The following YES1 variants were observed in gnomAD, a reference collection of about 807,000 sequenced individuals.
The protein encoded by YES1 is YES proto-oncogene 1, Src family tyrosine kinase.
A neutral mutation model predicts 70.4 loss-of-function variants in YES1; 39 were observed. The ratio of observed to expected loss-of-function variants is 0.55; its 90% confidence interval spans 0.43 to 0.72. The LOEUF (loss-of-function observed/expected upper bound fraction) is 0.72. YES1 is among the 30% of genes least tolerant of loss of function. The pLI is 0.00. For synonymous variants in YES1, 198 were observed against 218.6 expected (o/e 0.91, Z 0.83); for missense variants, 495 against 644.8 (o/e 0.77, Z 2.52).
At chr18:749,367 G>A (rs937101393) in intron 3 of YES1, among the ~76,000 whole-genome samples, 27 of 150,940 alleles carry the variant, frequency 1.8e-4, no homozygotes, top group Middle Eastern at 3.2e-3. Flanking sequence ...GAGTGGTGGC[G>A]TGTGCCTGTA....
At chr18:798,297 A>T (rs1448366817) in intron 1 of YES1, among the ~76,000 whole-genome samples, 1 of 152,152 alleles carries the variant, frequency 6.6e-6, no homozygotes, top group Non-Finnish European at 1.5e-5. Context: ...TCTAGCTATA[A>T]ATTTATCTCT....
chr18:757,807 G>A (rs886516664), intron 1 of YES1, among the ~76,000 whole-genome samples: 3 of 151,252 alleles, frequency 2.0e-5, no homozygotes, highest in Admixed American at 6.6e-5. Flanking sequence ...GGGTGACAGA[G>A]TAAGACTCTG....
chr18:749,621 C>T (rs1462456112), intron 3 of YES1, among the ~76,000 whole-genome samples: 2 of 151,784 alleles, frequency 1.3e-5, no homozygotes, highest in Non-Finnish European at 2.9e-5. Flanking sequence ...TTTGGGAGAC[C>T]GAGGCAGGCG....
At chr18:756,885 T>A in intron 1 of YES1, 50 bp from the exon 2 acceptor site, 1 of 1,509,982 alleles carries the variant, frequency 6.6e-7, no homozygotes. Context: ...ACAGGATACT[T>A]CAAAAAGACA....
At chr18:748,509 A>T in intron 3 of YES1, among the ~76,000 whole-genome samples, 1 of 152,160 alleles carries the variant, frequency 6.6e-6, no homozygotes, top group Non-Finnish European at 1.5e-5. Flanking sequence ...CACCCCCAAA[A>T]GAAACTCTGT....
intron 6 of YES1, among the ~76,000 whole-genome samples, chr18:743,887 C>A (rs1194965829): frequency 6.7e-6 from 1 of 148,914 alleles, no homozygotes. Flanking sequence ...GCCTGGGTGA[C>A]ACAGTGAGAT....
chr18:733,321 A>AT (rs1157544482), intron 10 of YES1, among the ~76,000 whole-genome samples: 4 of 152,206 alleles, frequency 2.6e-5, no homozygotes, highest in African/African-American at 9.6e-5. Flanking sequence ...CTATTGGTTG[A>AT]TGAGTGAATA....
intron 1 of YES1, among the ~76,000 whole-genome samples, chr18:807,892 T>C (rs1907178611): frequency 6.6e-6 from 1 of 152,126 alleles, no homozygotes; most frequent in South Asian, 2.1e-4. Context: ...ATTCTAAGAA[T>C]CACAGCTTAA....
chr18:736,528 G>A (rs2080155469), intron 10 of YES1: 1 of 230,274 alleles, frequency 4.3e-6, no homozygotes, highest in African/African-American at 2.3e-5. Flanking sequence ...GGCCTTTCTA[G>A]GAAAGAAATT....
chr18:773,520 CA>C (rs1905243461), intron 1 of YES1, among the ~76,000 whole-genome samples: 1 of 152,126 alleles, frequency 6.6e-6, no homozygotes, highest in African/African-American at 2.4e-5. Flanking sequence ...TGTTTCGATT[CA>C]AAATCCTGTA....
chr18:803,950 A>C (rs1340051605), intron 1 of YES1, among the ~76,000 whole-genome samples: 1 of 152,242 alleles, frequency 6.6e-6, no homozygotes, highest in Non-Finnish European at 1.5e-5. Context: ...ATGTTACAGA[A>C]AAGACTTCCT....
intron 7 of YES1, 52 bp from the exon 8 acceptor site, chr18:743,149 AACTTCAGTG>A: frequency 6.5e-7 from 1 of 1,543,704 alleles, no homozygotes; most frequent in South Asian, 1.3e-5. Context: ...TTTTAGACCA[AACTTCAGTG>A]AACAGCACTT....
At chr18:739,711 G>A (rs533724351) in intron 9 of YES1, 24 bp downstream of exon 9, 9 of 1,538,230 alleles carry the variant, frequency 5.9e-6, no homozygotes, top group Middle Eastern at 1.7e-4. Context: ...TAATTCAAAT[G>A]GATACATGTA....
rs1327031757 is a variant in YES1 at position 739,719 on chromosome 18, G to GTATA, written c.1137+12_1137+15dup. On this transcript the variant is annotated intron_variant, in intron 9 of 11. Coordinates refer to ENST00000314574, the MANE Select transcript of YES1 (RefSeq NM_005433.4). ...ACACTTTTAATTCAAATGGATACAT[G>GTATA]TATATATACAGATACCTGAGCAGCC... The GTATA allele has an allele frequency of 6.3e-7, 1 of 1,584,656 alleles. No homozygotes were observed. The highest frequency in any genetic ancestry group is 8.6e-7 in the Non-Finnish European group (1 of 1,156,960).
intron 1 of YES1, among the ~76,000 whole-genome samples, chr18:808,091 C>T (rs1194594115): frequency 2.0e-5 from 3 of 152,208 alleles, no homozygotes; most frequent in Non-Finnish European, 4.4e-5. Flanking sequence ...TTACAGGATT[C>T]TCTGTCTTTC....
chr18:774,755 G>A (rs891805518), intron 1 of YES1, among the ~76,000 whole-genome samples: 11 of 152,066 alleles, frequency 7.2e-5, no homozygotes, highest in Non-Finnish European at 1.6e-4. Context: ...ACCTTTTACA[G>A]GCATGTCTCA....
chr18:799,912 A>G (rs558044150), intron 1 of YES1, among the ~76,000 whole-genome samples: 19 of 148,944 alleles, frequency 1.3e-4, no homozygotes, highest in African/African-American at 4.8e-4. Context: ...ACAAAAAACA[A>G]AAAAAAAAGA....
At chr18:727,407 GTCTTA>G (rs1373327628) in intron 11 of YES1, among the ~76,000 whole-genome samples, 2 of 152,114 alleles carry the variant, frequency 1.3e-5, no homozygotes, top group Non-Finnish European at 2.9e-5. Flanking sequence ...TTAAAATCCA[GTCTTA>G]TCTTTTTTTA....
At position 765,058 on chromosome 18, in the gene YES1, G is replaced by C. The variant is rs1197140773; in HGVS notation, c.-8-8223C>G. Among the ~76,000 whole-genome samples the C allele has an allele frequency of 7.9e-5, 12 of 151,054 alleles. No individual in the cohort carries two copies. In the Admixed American group the frequency reaches 8.0e-4, roughly 10 times the overall value. The stretch of plus-strand genomic sequence containing the variant: ...TTATCTGAATCTTTTAAAGATAACA[G>C]AACTCTCAAATAATGTACAGCTTTA... On this transcript the variant is annotated intron_variant, in intron 1 of 11. Coordinates refer to ENST00000314574, the MANE Select transcript of YES1 (RefSeq NM_005433.4).
Sources: allele counts gnomAD v4.1 joint callset (sites outside exome capture counted in the v4.1 genomes callset), GRCh38; gene constraint gnomAD v4.1.1; transcripts MANE v1.5; gene names NCBI Gene and HGNC (gene_info 2026-07-23, HGNC 2026-07-21).